The following ADGRL2 variants were observed in gnomAD, a reference collection of about 807,000 sequenced individuals.
ADGRL2 encodes calcium-independent alpha-latrotoxin receptor 2.
In ADGRL2, 44 loss-of-function variants were observed where a neutral mutation model predicts 157.4. The ratio of observed to expected loss-of-function variants is 0.28; its 90% CI spans 0.22 to 0.36. ADGRL2 has a LOEUF of 0.36. ADGRL2 is among the 10% of genes least tolerant of loss of function. The probability of loss-of-function intolerance (pLI) is 1.00; values close to 1 mark genes in which losing one functional copy is unlikely to be tolerated. For synonymous variants in ADGRL2, 585 were observed against 624.7 expected, an observed-to-expected ratio of 0.94 and a Z score of 0.95; for missense variants, 1,510 against 1,768.9, an observed-to-expected ratio of 0.85 and a Z score of 2.63.
At chr1:81,307,657 T>C (rs1046299273) in intron 1 of ADGRL2, among the ~76,000 whole-genome samples, 18 of 152,152 alleles carry the variant, frequency 1.2e-4, no homozygotes, top group African/African-American at 4.3e-4. Flanking sequence ...AAGTTGACAG[T>C]CCTGAAAAGA....
Position 81,966,153 on chromosome 1 carries a change from G to C in ADGRL2, c.2113G>C (p.Ala705Pro), listed in dbSNP as rs759899407. ...AGCAGGCAGCTCAATCCAACTGTCC[G>C]CAAATACCGTCAAACAGAACAGCAG... ...KGAGSSIQLS[A>P]NTVKQNSRNG... The change falls in exon 12 of 24, where the codon GCA becomes CCA. Residue 705 changes from alanine (A) to proline (P), a missense_variant. Ala to Pro is a conservative substitution (Grantham distance 27, BLOSUM62 -1). Coordinates refer to ENST00000686636, the MANE Select transcript of ADGRL2 (RefSeq NM_001366006.2). 6.2e-7 allele frequency: 1 copy of C among 1,613,970 alleles called. No individual in the cohort carries two copies. The highest frequency in any genetic ancestry group is 8.5e-7 in the Non-Finnish European group (1 of 1,179,944).
chr1:81,886,639 C>T (rs2094135200), intron 2 of ADGRL2, among the ~76,000 whole-genome samples: 1 of 152,038 alleles, frequency 6.6e-6, no homozygotes, highest in African/African-American at 2.4e-5. Flanking sequence ...TTTACCTTTG[C>T]AGATGTAACT....
At chr1:81,910,019 C>T (rs1572064596) in intron 3 of ADGRL2, among the ~76,000 whole-genome samples, 1 of 151,962 alleles carries the variant, frequency 6.6e-6, no homozygotes, top group African/African-American at 2.4e-5. Flanking sequence ...GCAGGTGGAT[C>T]ACCTGAGTTC....
At position 81,898,033 on chromosome 1, in the gene ADGRL2, C is replaced by T. The variant is rs1456984056; in HGVS notation, c.74-8984C>T. ...TGATTTCGAGCCCATATGCTTGAGC[C>T]TAGAAGCTTGGGGCTGCAGTGAACT... On this transcript the variant is annotated intron_variant, in intron 2 of 23. Coordinates refer to ENST00000686636, the MANE Select transcript of ADGRL2 (RefSeq NM_001366006.2). 2.6e-5 allele frequency among the ~76,000 whole-genome samples: 4 copies of T among 152,090 alleles called. No homozygotes were observed. The East Asian group carries it at 7.7e-4, about 29-fold the overall frequency.
chr1:81,403,412 G>A (rs2101301198), intron 1 of ADGRL2, among the ~76,000 whole-genome samples: 1 of 152,054 alleles, frequency 6.6e-6, no homozygotes, highest in Non-Finnish European at 1.5e-5. Context: ...CTACAGGTGA[G>A]TACCACCCAC....
At chr1:81,836,741 C>T (rs1467500622) in intron 1 of ADGRL2, 144 bp from the exon 2 acceptor site, 1 of 357,026 alleles carries the variant, frequency 2.8e-6, no homozygotes, top group East Asian at 4.1e-5. Context: ...ATTCAGATAT[C>T]CAGTGTATAG....
intron 2 of ADGRL2, among the ~76,000 whole-genome samples, chr1:81,887,043 A>T (rs1354512015): frequency 1.3e-5 from 2 of 152,216 alleles, no homozygotes. Context: ...AGCTAAAGAT[A>T]GACATTCCTA....
intron 1 of ADGRL2, among the ~76,000 whole-genome samples, chr1:81,802,536 A>G (rs1336507014): frequency 1.3e-5 from 2 of 152,042 alleles, no homozygotes; most frequent in African/African-American, 4.8e-5. Flanking sequence ...GGCGCTGGCA[A>G]GGGGGTTAGG....
At chr1:81,782,266 G>C (rs952484612) in intron 2 of ADGRL2, among the ~76,000 whole-genome samples, 1 of 152,024 alleles carries the variant, frequency 6.6e-6, no homozygotes, top group African/African-American at 2.4e-5. Flanking sequence ...CCCCTACCCT[G>C]TTTCCTTCTT....
intron 1 of ADGRL2, among the ~76,000 whole-genome samples, chr1:81,710,438 G>A (rs1016021392): frequency 1.3e-5 from 2 of 151,708 alleles, no homozygotes; most frequent in Non-Finnish European, 2.9e-5. Context: ...GGCCAACATG[G>A]TGAAACCTCA....
chr1:81,461,022 G>A (rs1025528846), intron 2 of ADGRL2, among the ~76,000 whole-genome samples: 1 of 152,172 alleles, frequency 6.6e-6, no homozygotes, highest in African/African-American at 2.4e-5. Context: ...TATTAGTACA[G>A]GCAGACCCCT....
chr1:81,794,428 A>G (rs984075801), intron 2 of ADGRL2, among the ~76,000 whole-genome samples: 2 of 152,186 alleles, frequency 1.3e-5, no homozygotes, highest in African/African-American at 4.8e-5. Flanking sequence ...TCACTAAAAT[A>G]AAACCATTCG....
At chr1:81,956,947 A>G (rs1182869990) in intron 11 of ADGRL2, among the ~76,000 whole-genome samples, 2 of 152,180 alleles carry the variant, frequency 1.3e-5, no homozygotes, top group Non-Finnish European at 2.9e-5. Flanking sequence ...ATGAGACTTT[A>G]TATAAAAAAT....
At chr1:81,711,084 T>A (rs1190008545) in intron 1 of ADGRL2, among the ~76,000 whole-genome samples, 2 of 152,198 alleles carry the variant, frequency 1.3e-5, no homozygotes, top group Admixed American at 1.3e-4. Context: ...TTAAAAGGAA[T>A]CACCACTGTT....
At chr1:81,579,311 CT>C (rs1233959161) in intron 2 of ADGRL2, 1 of 152,126 alleles carries the variant, frequency 6.6e-6, no homozygotes. Flanking sequence ...TACAAGATCA[CT>C]GTTTGGCAAT....
At chr1:81,362,777 A>C (rs1221598468) in intron 1 of ADGRL2, among the ~76,000 whole-genome samples, 1 of 151,982 alleles carries the variant, frequency 6.6e-6, no homozygotes, top group Non-Finnish European at 1.5e-5. Context: ...TAAACATAAA[A>C]CCTTTTCCAT....
At chr1:81,868,786 T>G (rs970761513) in intron 2 of ADGRL2, among the ~76,000 whole-genome samples, 1 of 151,728 alleles carries the variant, frequency 6.6e-6, no homozygotes, top group Non-Finnish European at 1.5e-5. Flanking sequence ...TTTACATCTT[T>G]TTTGGGGGGA....
rs147908704 is a variant in ADGRL2 at position 81,587,762 on chromosome 1, G to A, written c.-143+6782G>A. Among the ~76,000 whole-genome samples, 720 of 152,156 alleles carry A rather than the reference G, an allele frequency of 4.7e-3. 5 individuals are homozygous for A. The highest frequency in any genetic ancestry group is 0.016 in the African/African-American group (673 of 41,536). ...CTTGGAGAATGACAAGAATAGAATC[G>A]TTTTTATGAGTTATAGAGAGATTGA... On this transcript the variant is annotated intron_variant, in intron 3 of 24. Coordinates refer to the ADGRL2 transcript ENST00000370721.
intron 2 of ADGRL2, among the ~76,000 whole-genome samples, chr1:81,571,772 G>GAA (rs1234791116): frequency 6.6e-6 from 1 of 152,116 alleles, no homozygotes; most frequent in East Asian, 1.9e-4. Context: ...AATTCTGTCT[G>GAA]TATTATGAAT....
Sources: gnomAD v4.1 joint callset for allele counts (sites outside exome capture counted in the v4.1 genomes callset) on GRCh38, gnomAD v4.1.1 for gene constraint, MANE v1.5 for transcripts, NCBI Gene and HGNC (gene_info 2026-07-23, HGNC 2026-07-21) for gene names.